PTPRD: variants seen among roughly 807,000 people sequenced by gnomAD.
The protein encoded by PTPRD is receptor-type tyrosine-protein phosphatase delta.
A neutral mutation model predicts 214.5 loss-of-function variants in PTPRD; 34 were observed. The ratio of observed to expected loss-of-function variants is 0.16; its 90% confidence interval spans 0.12 to 0.21. The LOEUF (loss-of-function observed/expected upper bound fraction) is 0.21, where lower values mean the gene tolerates loss of function less well. PTPRD is among the 10% of genes least tolerant of loss of function. The probability of loss-of-function intolerance (pLI) is 1.00; values close to 1 mark genes in which losing one functional copy is unlikely to be tolerated. For synonymous variants in PTPRD, 1,128 were observed against 845.7 expected (o/e 1.33, Z -5.79); for missense variants, 2,545 against 2,398.7 (o/e 1.06, Z -1.27).
chr9:8,821,104 C>T (rs954429018), intron 11 of PTPRD, among the ~76,000 whole-genome samples: 1 of 152,164 alleles, frequency 6.6e-6, no homozygotes, highest in East Asian at 1.9e-4. Context: ...CCCTTCTTCT[C>T]CTTTTTCACC....
intron 4 of PTPRD, among the ~76,000 whole-genome samples, chr9:10,023,292 A>C (rs2154121020): frequency 6.6e-6 from 1 of 152,274 alleles, no homozygotes; most frequent in Admixed American, 6.5e-5. Flanking sequence ...TTTTCTAATA[A>C]TGGAGAATTC....
chr9:8,673,136 T>G (rs2097323064), intron 12 of PTPRD, among the ~76,000 whole-genome samples: 1 of 152,154 alleles, frequency 6.6e-6, no homozygotes, highest in South Asian at 2.1e-4. Flanking sequence ...TGATTTTTTT[T>G]TTTCTCTGAG....
chr9:9,494,184 GT>G (rs2096062980), intron 8 of PTPRD, among the ~76,000 whole-genome samples: 1 of 152,144 alleles, frequency 6.6e-6, no homozygotes, highest in Non-Finnish European at 1.5e-5. Flanking sequence ...GCAAAAGAAT[GT>G]GTTTTCATGA....
At chr9:10,019,681 AAAACTAAACACCGCATGTTCTCACTCAT>A (rs901699632) in intron 4 of PTPRD, among the ~76,000 whole-genome samples, 28 of 152,100 alleles carry the variant, frequency 1.8e-4, no homozygotes, top group African/African-American at 6.5e-4. Context: ...GCAAGGACAA[AAAACTAAACACCGCATGTTCTCACTCAT>A]AGGTGGGAAT....
At chr9:9,646,523 A>C (rs1039549363) in intron 7 of PTPRD, among the ~76,000 whole-genome samples, 1 of 152,130 alleles carries the variant, frequency 6.6e-6, no homozygotes, top group African/African-American at 2.4e-5. Flanking sequence ...ATGATGTATC[A>C]GAATGTAGGT....
At chr9:10,556,055 T>A (rs2062507480) in intron 2 of PTPRD, among the ~76,000 whole-genome samples, 1 of 152,138 alleles carries the variant, frequency 6.6e-6, no homozygotes, top group South Asian at 2.1e-4. Context: ...TTTTAAAACA[T>A]AAATACCTTT....
chr9:10,446,435 T>C (rs909913426), intron 2 of PTPRD, among the ~76,000 whole-genome samples: 2 of 146,574 alleles, frequency 1.4e-5, no homozygotes, highest in Admixed American at 6.9e-5. Context: ...TTTTTTTTTT[T>C]TTTTTGCTAT....
intron 3 of PTPRD, among the ~76,000 whole-genome samples, chr9:10,133,685 T>C (rs2098920005): frequency 1.3e-5 from 2 of 152,138 alleles, no homozygotes; most frequent in African/African-American, 4.8e-5. Context: ...AGTAATATGT[T>C]CACCAATAGA....
At chr9:9,653,186 C>CAA (rs1166010225) in intron 7 of PTPRD, among the ~76,000 whole-genome samples, 4 of 147,372 alleles carry the variant, frequency 2.7e-5, no homozygotes. Flanking sequence ...ACTAAAAATA[C>CAA]AAAAAATTAG....
intron 2 of PTPRD, among the ~76,000 whole-genome samples, chr9:10,441,723 C>A (rs1353031271): frequency 2.0e-5 from 3 of 151,656 alleles, no homozygotes; most frequent in Non-Finnish European, 4.4e-5. Flanking sequence ...GTATCTGGCA[C>A]ATACAGCAGG....
intron 10 of PTPRD, among the ~76,000 whole-genome samples, chr9:9,019,655 A>C (rs1310570876): frequency 6.6e-6 from 1 of 152,176 alleles, no homozygotes; most frequent in African/African-American, 2.4e-5. Context: ...GCGGTGAGCC[A>C]AGGCTGTGCC....
At chr9:10,075,257 T>A (rs1416927865) in intron 3 of PTPRD, among the ~76,000 whole-genome samples, 1 of 152,082 alleles carries the variant, frequency 6.6e-6, no homozygotes, top group Non-Finnish European at 1.5e-5. Context: ...AGGTGCATAA[T>A]TATTATTAAC....
intron 2 of PTPRD, among the ~76,000 whole-genome samples, chr9:10,489,997 G>A (rs2099156672): frequency 1.3e-5 from 2 of 152,244 alleles, no homozygotes; most frequent in African/African-American, 4.8e-5. Context: ...TCTTATGAAG[G>A]CGCATTGTTT....
intron 4 of PTPRD, among the ~76,000 whole-genome samples, chr9:9,949,598 A>G (rs904743406): frequency 6.6e-6 from 1 of 152,180 alleles, no homozygotes; most frequent in African/African-American, 2.4e-5. Flanking sequence ...GGTTAAGCCA[A>G]TCACTACATC....
At chr9:8,909,782 G>C (rs10815994) in intron 11 of PTPRD, among the ~76,000 whole-genome samples, 74,966 of 149,746 alleles carry the variant, frequency 0.5, 22,054 homozygotes, top group Non-Finnish European at 0.65. Context: ...GATAGAGATA[G>C]AGATAGAGAT....
At chr9:9,613,135 CAT>C (rs67735335) in intron 7 of PTPRD, among the ~76,000 whole-genome samples, 11 of 47,914 alleles carry the variant, frequency 2.3e-4, no homozygotes, top group African/African-American at 9.6e-4. Flanking sequence ...TACATACATA[CAT>C]ATATATATAT....
intron 7 of PTPRD, among the ~76,000 whole-genome samples, chr9:9,694,118 C>T (rs901290836): frequency 3.9e-5 from 6 of 152,144 alleles, no homozygotes; most frequent in Non-Finnish European, 5.9e-5. Context: ...TTCAGTTCAT[C>T]TGGTGAGGTC....
At chr9:9,261,537 T>A (rs1173365000) in intron 9 of PTPRD, among the ~76,000 whole-genome samples, 6 of 151,814 alleles carry the variant, frequency 4.0e-5, no homozygotes, top group Non-Finnish European at 8.8e-5. Flanking sequence ...ATGGCATAAA[T>A]GATTTTCACT....
chr9:10,588,446 A>ACG (rs2074511238), intron 2 of PTPRD, among the ~76,000 whole-genome samples: 1 of 151,830 alleles, frequency 6.6e-6, no homozygotes, highest in Non-Finnish European at 1.5e-5. Flanking sequence ...ACACACACAC[A>ACG]CACACACACT....
Sources: gnomAD v4.1 joint callset for allele counts (sites outside exome capture counted in the v4.1 genomes callset) on GRCh38, gnomAD v4.1.1 for gene constraint, MANE v1.5 for transcripts, NCBI Gene and HGNC (gene_info 2026-07-23, HGNC 2026-07-21) for gene names.